Variants in ACCSL observed in about 807,000 individuals in gnomAD.
ACCSL encodes 1-aminocyclopropane-1-carboxylate synthase homolog (inactive) like.
ACCSL carries 55 observed loss-of-function variants against 61.7 expected under a neutral mutation model. The observed-to-expected ratio is 0.89, with a 90% confidence interval of 0.72 to 1.12. The LOEUF is 1.12. Among genes scored for constraint, ACCSL ranks in the 50% most tolerant of loss-of-function variants. The pLI is 0.00. For synonymous variants in ACCSL, 258 were observed against 264.3 expected (o/e 0.98, Z 0.23); for missense variants, 632 against 698.0 (o/e 0.91, Z 1.07).
chr11:44,036,840 A>C, the ACCSL span, among the ~76,000 whole-genome samples: 1 of 151,024 alleles, frequency 6.6e-6, no homozygotes, highest in East Asian at 2.0e-4. Flanking sequence ...GGGTCTTGCC[A>C]GGTAGGTTCC....
At chr11:43,986,250 C>A in the ACCSL span, among the ~76,000 whole-genome samples, 1 of 152,234 alleles carries the variant, frequency 6.6e-6, no homozygotes, top group South Asian at 2.1e-4. Flanking sequence ...CTCATCATGA[C>A]CATTGCCAGC....
the ACCSL span, among the ~76,000 whole-genome samples, chr11:43,934,822 C>T: frequency 6.6e-6 from 1 of 152,212 alleles, no homozygotes; most frequent in African/African-American, 2.4e-5. Flanking sequence ...ATCCCTGCTC[C>T]CCTGTGACTC....
the ACCSL span, among the ~76,000 whole-genome samples, chr11:44,007,340 A>G: frequency 6.6e-6 from 1 of 152,160 alleles, no homozygotes; most frequent in African/African-American, 2.4e-5. Context: ...GACATTCCAG[A>G]GCCTGGGCGA....
the ACCSL span, among the ~76,000 whole-genome samples, chr11:43,951,652 T>A: frequency 1.3e-5 from 2 of 152,304 alleles, no homozygotes; most frequent in South Asian, 2.1e-4. Flanking sequence ...AGATCTTTTT[T>A]AAAAAATGCG....
At chr11:43,936,242 G>A in the ACCSL span, among the ~76,000 whole-genome samples, 1 of 152,184 alleles carries the variant, frequency 6.6e-6, no homozygotes, top group Non-Finnish European at 1.5e-5. Context: ...TGCTCGGGCT[G>A]GCTTCCTCTT....
chr11:44,031,361 A>G, the ACCSL span, among the ~76,000 whole-genome samples: 1 of 152,086 alleles, frequency 6.6e-6, no homozygotes, highest in African/African-American at 2.4e-5. Context: ...TTGTCTTTGA[A>G]GTTTTCCTTT....
At chr11:43,925,691 G>A in the ACCSL span, among the ~76,000 whole-genome samples, 1 of 151,936 alleles carries the variant, frequency 6.6e-6, no homozygotes, top group African/African-American at 2.4e-5. Flanking sequence ...ATGACTGTCT[G>A]AGCCCTGTGG....
At chr11:44,000,345 G>A in the ACCSL span, among the ~76,000 whole-genome samples, 2 of 151,984 alleles carry the variant, frequency 1.3e-5, no homozygotes, top group East Asian at 3.9e-4. Context: ...GGCTGGTTTC[G>A]AACTCCTGAC....
At chr11:43,965,813 G>C in the ACCSL span, among the ~76,000 whole-genome samples, 5 of 152,270 alleles carry the variant, frequency 3.3e-5, no homozygotes, top group African/African-American at 1.2e-4. Flanking sequence ...ATAGTCAATT[G>C]TTTTTCTGAT....
the ACCSL span, among the ~76,000 whole-genome samples, chr11:43,936,967 C>T: frequency 6.6e-6 from 1 of 152,154 alleles, no homozygotes; most frequent in African/African-American, 2.4e-5. Context: ...ACTTTGGGAC[C>T]TCTGCTATGA....
chr11:43,993,294 G>C, the ACCSL span, among the ~76,000 whole-genome samples: 3 of 152,252 alleles, frequency 2.0e-5, no homozygotes, highest in Middle Eastern at 3.4e-3. Context: ...CATCCCATGG[G>C]GTCGGGGTGC....
chr11:43,958,573 T>C, the ACCSL span, among the ~76,000 whole-genome samples: 1 of 152,220 alleles, frequency 6.6e-6, no homozygotes, highest in Non-Finnish European at 1.5e-5. Context: ...TTCCCCTGTC[T>C]TGATAAATTG....
the ACCSL span, among the ~76,000 whole-genome samples, chr11:44,013,851 G>A: frequency 2.0e-5 from 3 of 152,192 alleles, no homozygotes; most frequent in South Asian, 6.2e-4. Context: ...TGTGCGGACA[G>A]AGGCTTCGGG....
At chr11:44,025,406 C>T in the ACCSL span, among the ~76,000 whole-genome samples, 1 of 152,050 alleles carries the variant, frequency 6.6e-6, no homozygotes, top group East Asian at 1.9e-4. Context: ...CTAGTATCAA[C>T]TTAATTTCAA....
the ACCSL span, chr11:43,933,432 T>C: frequency 3.9e-6 from 1 of 257,956 alleles, no homozygotes; most frequent in African/African-American, 2.2e-5. Flanking sequence ...GACCTTGGTC[T>C]TGTTCCCTCC....
the ACCSL span, among the ~76,000 whole-genome samples, chr11:43,977,522 G>T: frequency 6.6e-6 from 1 of 152,170 alleles, no homozygotes; most frequent in Non-Finnish European, 1.5e-5. Flanking sequence ...CAAGGAAACA[G>T]ATTTTCTTCC....
At chr11:43,975,522 T>C in the ACCSL span, among the ~76,000 whole-genome samples, 2 of 152,164 alleles carry the variant, frequency 1.3e-5, no homozygotes, top group African/African-American at 2.4e-5. Flanking sequence ...ATAATATAGC[T>C]ACTAAGAAGC....
the ACCSL span, among the ~76,000 whole-genome samples, chr11:43,924,851 A>G: frequency 6.6e-6 from 1 of 152,310 alleles, no homozygotes; most frequent in East Asian, 1.9e-4. Flanking sequence ...AGAATGTGGA[A>G]TAGCTGGAGG....
At chr11:44,038,839 A>G in the ACCSL span, among the ~76,000 whole-genome samples, 3 of 152,086 alleles carry the variant, frequency 2.0e-5, no homozygotes, top group Non-Finnish European at 4.4e-5. Flanking sequence ...GTCCTCCCCA[A>G]CCTCTCCCTT....
Sources: allele counts gnomAD v4.1 joint callset (sites outside exome capture counted in the v4.1 genomes callset), GRCh38; gene constraint gnomAD v4.1.1; transcripts MANE v1.5; gene names NCBI Gene and HGNC (gene_info 2026-07-23, HGNC 2026-07-21).